NBEA: variants seen among roughly 807,000 people sequenced by gnomAD.
NBEA encodes the protein lysosomal-trafficking regulator 2.
NBEA carries 44 observed loss-of-function variants against 343.4 expected under a neutral mutation model. The observed-to-expected ratio is 0.13, with a 90% CI of 0.10 to 0.16. The LOEUF is 0.16. NBEA is among the 10% of genes least tolerant of loss of function. The probability of loss-of-function intolerance (pLI) is 1.00; values close to 1 mark genes in which losing one functional copy is unlikely to be tolerated. For synonymous variants in NBEA, 1,175 were observed against 1,238.7 expected (o/e 0.95, Z 1.08); for missense variants, 2,555 against 3,631.3 (o/e 0.70, Z 7.62).
At chr13:35,409,130 G>A (rs2183213) in intron 38 of NBEA, among the ~76,000 whole-genome samples, 76,948 of 152,080 alleles carry the variant, frequency 0.51, 21,071 homozygotes, top group Middle Eastern at 0.64. Flanking sequence ...TAAAGAAAAT[G>A]TGGTACATAT....
In NBEA at chr13:35,050,273, C is replaced by T. The variant is rs1190989650; in HGVS notation, c.850C>T (p.Arg284Cys). 6 of 1,607,826 alleles carry T rather than the reference C, an allele frequency of 3.7e-6. No homozygotes were observed. Among genetic ancestry groups the T allele is most frequent in the Non-Finnish European group, 5.1e-6 (6 of 1,177,324 alleles). The change falls in exon 6 of 59, where the codon CGT becomes TGT. Residue 284 changes from arginine to cysteine, a missense_variant. Around this residue, in one of 21 missense-constraint regions of NBEA, gnomAD observed 185 missense variants for 290.6 expected, o/e 0.64. Transcript: ENST00000379939. ...TATTCTCAGTTGTCTTTGCAGTTTT[C>T]GTACTAGCAAAGGAGTTGGTTACTC... ...DKDKPYLYCF[R>C]TSKGVGYSAH...
chr13:35,504,550 A>G (rs1191620195), intron 41 of NBEA, among the ~76,000 whole-genome samples: 1 of 152,144 alleles, frequency 6.6e-6, no homozygotes, highest in Non-Finnish European at 1.5e-5. Context: ...AAGATAAAAG[A>G]TAAAAATCTT....
chr13:35,363,482 A>G (rs1224337163), intron 38 of NBEA, among the ~76,000 whole-genome samples: 2 of 151,736 alleles, frequency 1.3e-5, no homozygotes, highest in Admixed American at 6.6e-5. Flanking sequence ...TTGAACCCTG[A>G]TTACTTCAAT....
At chr13:35,415,676 C>A (rs950052441) in intron 38 of NBEA, among the ~76,000 whole-genome samples, 6 of 152,036 alleles carry the variant, frequency 3.9e-5, no homozygotes, top group African/African-American at 1.4e-4. Flanking sequence ...GTGATGCCTC[C>A]AGCTTTGTTC....
At chr13:35,051,390 G>A (rs539253149) in intron 6 of NBEA, among the ~76,000 whole-genome samples, 1 of 145,340 alleles carries the variant, frequency 6.9e-6, no homozygotes, top group South Asian at 2.2e-4. Flanking sequence ...TTTGTTTGTT[G>A]TTGCTTATGA....
intron 45 of NBEA, among the ~76,000 whole-genome samples, chr13:35,577,413 T>C (rs2080795015): frequency 6.6e-6 from 1 of 152,196 alleles, no homozygotes; most frequent in Admixed American, 6.5e-5. Flanking sequence ...TTGTAGGAAC[T>C]GGTACTATTT....
chr13:35,165,368 T>C (rs2069928907), intron 24 of NBEA, among the ~76,000 whole-genome samples: 1 of 152,196 alleles, frequency 6.6e-6, no homozygotes, highest in Non-Finnish European at 1.5e-5. Flanking sequence ...GGCCTTACTC[T>C]TCTGTTTTAT....
chr13:35,595,034 T>A (rs1400317240), intron 47 of NBEA, among the ~76,000 whole-genome samples: 1 of 149,304 alleles, frequency 6.7e-6, no homozygotes, highest in Admixed American at 6.7e-5. Context: ...CCTCACATAT[T>A]TGGGGGTCAG....
chr13:35,504,457 C>T (rs577500404), intron 41 of NBEA, among the ~76,000 whole-genome samples: 4 of 152,200 alleles, frequency 2.6e-5, no homozygotes, highest in East Asian at 1.9e-4. Flanking sequence ...CAGTTGAGAC[C>T]GTTTTGTCTC....
chr13:35,380,337 C>T lies in NBEA; in HGVS notation c.6179+28014C>T, dbSNP rs373664849. On this transcript the variant is annotated intron_variant, in intron 38 of 58. Coordinates refer to ENST00000379939, the MANE Select transcript of NBEA (RefSeq NM_001385012.1). ...GTGGGCATCTGTGATCCCAGCTACT[C>T]TGGAGGCTGAGACAGGAGAATCACT... Among the ~76,000 whole-genome samples, 652 of 151,934 alleles carry T rather than the reference C, an allele frequency of 4.3e-3. 5 individuals are homozygous for T. Among genetic ancestry groups the T allele is most frequent in the Non-Finnish European group, 6.2e-3 (423 of 67,954 alleles).
rs1335336211 is a variant in NBEA at position 34,970,571 on chromosome 13, AG to A, written c.294+27459del. 2.0e-5 allele frequency among the ~76,000 whole-genome samples: 3 copies of A among 152,220 alleles called. No individual in the cohort carries two copies. The East Asian group carries it at 5.8e-4, about 29-fold the overall frequency. ...TTTATTTTTGTATATGGTAAAAGGA[AG>A]GAGTCCAGTTTCCATCTTCTGCATA... On this transcript the variant is annotated intron_variant, in intron 1 of 58. Coordinates refer to ENST00000379939, the MANE Select transcript of NBEA (RefSeq NM_001385012.1).
chr13:34,989,905 C>T (rs181017526), intron 1 of NBEA, among the ~76,000 whole-genome samples: 4 of 151,066 alleles, frequency 2.6e-5, no homozygotes, highest in African/African-American at 4.8e-5. Context: ...AGGGAGAAAT[C>T]GGCCAAAACA....
chr13:35,123,347 A>G, intron 16 of NBEA, 135 bp from the exon 17 acceptor site: 1 of 480,624 alleles, frequency 2.1e-6, no homozygotes, highest in Non-Finnish European at 3.4e-6. Context: ...TAATTTTTCC[A>G]AAGAATTATA....
intron 25 of NBEA, 34 bp downstream of exon 25, chr13:35,169,029 C>T: frequency 6.9e-7 from 1 of 1,454,664 alleles, no homozygotes; most frequent in African/African-American, 1.4e-5. Context: ...TTTCAGCTTT[C>T]AGTTTCAAGT....
At chr13:35,502,941 A>G (rs906410434) in intron 41 of NBEA, among the ~76,000 whole-genome samples, 6 of 152,204 alleles carry the variant, frequency 3.9e-5, no homozygotes, top group African/African-American at 1.4e-4. Flanking sequence ...AATTTAGCCA[A>G]TTATATCATT....
chr13:35,262,973 C>G (rs1247150138), intron 34 of NBEA, among the ~76,000 whole-genome samples: 1 of 152,094 alleles, frequency 6.6e-6, no homozygotes, highest in Non-Finnish European at 1.5e-5. Flanking sequence ...AAAAATCAAT[C>G]CTAAAATTCA....
chr13:35,167,519 A>T (rs563487794), intron 24 of NBEA, among the ~76,000 whole-genome samples: 9 of 151,944 alleles, frequency 5.9e-5, no homozygotes, highest in Non-Finnish European at 1.3e-4. Flanking sequence ...GCAGCACTTT[A>T]TGGGAGTTTC....
intron 55 of NBEA, among the ~76,000 whole-genome samples, chr13:35,658,108 A>G (rs2084905973): frequency 6.6e-6 from 1 of 152,178 alleles, no homozygotes; most frequent in Admixed American, 6.5e-5. Flanking sequence ...GGAGCTGTGT[A>G]AATACAAAAT....
chr13:35,268,918 G>A (rs2033909116), intron 34 of NBEA, among the ~76,000 whole-genome samples: 1 of 152,034 alleles, frequency 6.6e-6, no homozygotes, highest in South Asian at 2.1e-4. Flanking sequence ...TTAATTCAGT[G>A]AAAATATTCT....
Sources: allele counts gnomAD v4.1 joint callset (sites outside exome capture counted in the v4.1 genomes callset), GRCh38; gene constraint gnomAD v4.1.1; regional missense constraint gnomAD v4.1.1; transcripts MANE v1.5; gene names NCBI Gene and HGNC (gene_info 2026-07-23, HGNC 2026-07-21).